SDHC: variants seen among roughly 807,000 people sequenced by gnomAD.
SDHC encodes succinate dehydrogenase complex subunit C.
SDHC carries 11 observed loss-of-function variants against 22.6 expected under a neutral mutation model. The observed-to-expected ratio is 0.49, with a 90% confidence interval of 0.31 to 0.81. The LOEUF is 0.81. Ranked by LOEUF, SDHC falls within the 30% of genes least tolerant of loss-of-function variation. The pLI, the probability that SDHC is intolerant of heterozygous loss-of-function variation, is 0.05. For missense variants in SDHC, 160 were observed against 212.0 expected (o/e 0.75, Z 1.52); for synonymous variants, 80 against 77.8 (o/e 1.03, Z -0.15).
chr1:161,334,321 C>G (rs531846938), intron 3 of SDHC, among the ~76,000 whole-genome samples: 23 of 149,846 alleles, frequency 1.5e-4, no homozygotes, highest in African/African-American at 5.5e-4. Context: ...TGAGCCTCTT[C>G]TGCTTTTCTT....
intron 4 of SDHC, among the ~76,000 whole-genome samples, chr1:161,352,565 T>G (rs1339972274): frequency 6.6e-6 from 1 of 152,238 alleles, no homozygotes; most frequent in Non-Finnish European, 1.5e-5. Context: ...CATTTTATGT[T>G]TTTTGTTTAA....
At chr1:161,340,471 C>CAAAAA in intron 3 of SDHC, 123 bp from the exon 4 acceptor site, 1 of 662,396 alleles carries the variant, frequency 1.5e-6, no homozygotes. Flanking sequence ...GACTCTGTCT[C>CAAAAA]AAAAAAAAAA....
intron 2 of SDHC, among the ~76,000 whole-genome samples, chr1:161,327,761 A>G (rs924828123): frequency 6.6e-6 from 1 of 151,582 alleles, no homozygotes; most frequent in Non-Finnish European, 1.5e-5. Flanking sequence ...ATGGGGTTTC[A>G]CCGTGTTGGC....
Position 161,340,547 on chromosome 1 carries a change from G to A in SDHC, c.180-47G>A, listed in dbSNP as rs762913083. On this transcript the variant is annotated intron_variant, in intron 3 of 5. Coordinates refer to ENST00000367975, the MANE Select transcript of SDHC (RefSeq NM_003001.5). ...TTGCCAAGATAGACTCTCTACTATG[G>A]TGTCATCTTTTCCTTTTTAAAATTG... The A allele has an allele frequency of 2.7e-6, 4 of 1,502,984 alleles. No individual in the cohort carries two copies. The East Asian group carries it at 6.8e-5, about 25-fold the overall frequency. 93.1% of individuals were successfully genotyped at this position (1,502,984 alleles called of 1,614,324 possible). A position where few individuals can be genotyped will look rare whatever the true frequency, so the allele number is the denominator to read the frequency against.
intron 1 of SDHC, among the ~76,000 whole-genome samples, chr1:161,323,368 TTCTTTTG>T (rs1386328831): frequency 6.6e-6 from 1 of 152,152 alleles, no homozygotes; most frequent in African/African-American, 2.4e-5. Context: ...ATTATTCTTA[TTCTTTTG>T]TCTTGCATTA....
intron 1 of SDHC, among the ~76,000 whole-genome samples, chr1:161,318,824 A>C (rs1330320194): frequency 6.6e-6 from 1 of 151,522 alleles, no homozygotes; most frequent in Non-Finnish European, 1.5e-5. Context: ...ACCTGAGGTC[A>C]GGAGTTCAAG....
At chr1:161,337,830 G>A (rs954256934) in intron 3 of SDHC, among the ~76,000 whole-genome samples, 2 of 152,142 alleles carry the variant, frequency 1.3e-5, no homozygotes, top group Non-Finnish European at 2.9e-5. Flanking sequence ...AGCCCCAAGT[G>A]TGTTTGGAAT....
chr1:161,332,297 C>G (rs1358176337), intron 3 of SDHC, among the ~76,000 whole-genome samples: 1 of 152,096 alleles, frequency 6.6e-6, no homozygotes, highest in African/African-American at 2.4e-5. Flanking sequence ...AACAGCTCTT[C>G]CCTCAGTCTG....
intron 1 of SDHC, among the ~76,000 whole-genome samples, chr1:161,318,327 T>C (rs1670704609): frequency 6.6e-6 from 1 of 152,222 alleles, no homozygotes; most frequent in Non-Finnish European, 1.5e-5. Flanking sequence ...TTATTAGTTA[T>C]CAGAGTATTG....
intron 3 of SDHC, among the ~76,000 whole-genome samples, chr1:161,331,272 C>CT (rs969939180): frequency 1.2e-3 from 181 of 147,490 alleles, no homozygotes; most frequent in East Asian, 4.0e-3. Context: ...AATGAATATC[C>CT]TTTTTTTTTT....
At chr1:161,323,776 A>C in intron 2 of SDHC, 106 bp downstream of exon 2, 2 of 779,818 alleles carry the variant, frequency 2.6e-6, no homozygotes, top group Admixed American at 2.5e-5. Flanking sequence ...GCTCACTGCA[A>C]GCGCCGCCTC....
intron 2 of SDHC, among the ~76,000 whole-genome samples, chr1:161,328,024 T>A (rs1453197228): frequency 2.6e-5 from 4 of 151,428 alleles, no homozygotes; most frequent in East Asian, 1.9e-4. Context: ...TTTTTTTTTT[T>A]GAGAGAGAAT....
intron 1 of SDHC, among the ~76,000 whole-genome samples, chr1:161,315,338 T>G (rs1670567542): frequency 6.6e-6 from 1 of 152,236 alleles, no homozygotes; most frequent in Non-Finnish European, 1.5e-5. Flanking sequence ...AGAGGGACTT[T>G]GTTTAGTTTT....
rs892924451 is a variant in SDHC at position 161,345,815 on chromosome 1, G to GT, written c.241+5168dup. Reference sequence around the variant, plus strand: ...TCTGGGTTTTTTTGTTTTGTTTTTTGTTTTTTTTGAGACGGAGTCTTGCTC... The same window carrying GT: ...TCTGGGTTTTTTTGTTTTGTTTTTTGTTTTTTTTTGAGACGGAGTCTTGCTC... On this transcript the variant is annotated intron_variant, in intron 4 of 5. Transcript: ENST00000367975. 1.9e-4 allele frequency among the ~76,000 whole-genome samples: 27 copies of GT among 145,918 alleles called. 1 individual carries two copies. Among genetic ancestry groups the GT allele is most frequent in the South Asian group, 6.6e-4 (3 of 4,552 alleles).
At chr1:161,314,749 T>C in intron 1 of SDHC, 1 of 406,932 alleles carries the variant, frequency 2.5e-6, no homozygotes, top group Non-Finnish European at 4.5e-6. Context: ...AGAAAATAAC[T>C]TCAAGGTCAG....
chr1:161,343,656 TAGAATA>T (rs1306283413), intron 4 of SDHC, among the ~76,000 whole-genome samples: 1 of 152,158 alleles, frequency 6.6e-6, no homozygotes, highest in Non-Finnish European at 1.5e-5. Flanking sequence ...TCTGCTTCCT[TAGAATA>T]AGAAATTTTT....
intron 5 of SDHC, among the ~76,000 whole-genome samples, chr1:161,358,930 CAAAA>C (rs59347827): frequency 1.6e-4 from 18 of 115,602 alleles, no homozygotes; most frequent in Middle Eastern, 4.3e-3. Flanking sequence ...AATTCCGTCT[CAAAA>C]AAAAAAAAAA....
chr1:161,361,434 A>T (rs1047793996), intron 5 of SDHC, among the ~76,000 whole-genome samples: 1 of 152,150 alleles, frequency 6.6e-6, no homozygotes, highest in East Asian at 1.9e-4. Flanking sequence ...CCTTTAGAAT[A>T]CTAGTCCTCT....
intron 4 of SDHC, among the ~76,000 whole-genome samples, chr1:161,341,323 A>G (rs1671711877): frequency 6.6e-6 from 1 of 152,224 alleles, no homozygotes; most frequent in Admixed American, 6.5e-5. Context: ...TCACCTAGAC[A>G]TGCTCAGTCC....
Sources: allele counts gnomAD v4.1 joint callset (sites outside exome capture counted in the v4.1 genomes callset), GRCh38; gene constraint gnomAD v4.1.1; transcripts MANE v1.5; gene names NCBI Gene and HGNC (gene_info 2026-07-23, HGNC 2026-07-21).